RANBP17: variants seen among roughly 807,000 people sequenced by gnomAD.
The protein encoded by RANBP17 is ran-binding protein 17.
Under a neutral mutation model 141.2 loss-of-function variants are expected in RANBP17, and 158 were observed. The observed-to-expected ratio is 1.12, with a 90% CI of 0.98 to 1.28. The LOEUF is 1.28. RANBP17 is among the 50% of genes most tolerant of loss of function. The probability of loss-of-function intolerance (pLI) is 0.00; values close to 1 mark genes in which losing one functional copy is unlikely to be tolerated. For missense variants in RANBP17, 1,438 were observed against 1,290.7 expected, an observed-to-expected ratio of 1.11 and a Z score of -1.75; for synonymous variants, 430 against 450.0, an observed-to-expected ratio of 0.96 and a Z score of 0.56.
chr5:170,942,399 A>T (rs775999143), intron 12 of RANBP17, among the ~76,000 whole-genome samples: 33 of 152,196 alleles, frequency 2.2e-4, no homozygotes, highest in Non-Finnish European at 3.7e-4. Context: ...ATAGATCATA[A>T]TGTAATTATA....
intron 21 of RANBP17, among the ~76,000 whole-genome samples, chr5:171,220,417 A>G (rs1763481761): frequency 7.3e-6 from 1 of 136,580 alleles, no homozygotes; most frequent in Non-Finnish European, 1.5e-5. Context: ...CTATTTGGCC[A>G]TCTTGGTCCC....
intron 14 of RANBP17, among the ~76,000 whole-genome samples, chr5:171,036,035 G>C (rs1781863015): frequency 6.6e-6 from 1 of 152,016 alleles, no homozygotes; most frequent in Non-Finnish European, 1.5e-5. Flanking sequence ...TGGGACTGTA[G>C]GTGTGTTCTT....
intron 22 of RANBP17, among the ~76,000 whole-genome samples, chr5:171,229,836 C>T (rs527604611): frequency 2.0e-5 from 3 of 149,626 alleles, no homozygotes; most frequent in African/African-American, 4.9e-5. Context: ...GAGGCCAGGG[C>T]GAGTGGGTCA....
intron 14 of RANBP17, among the ~76,000 whole-genome samples, chr5:171,088,344 G>T (rs1785867714): frequency 6.6e-6 from 1 of 152,102 alleles, no homozygotes; most frequent in African/African-American, 2.4e-5. Flanking sequence ...TGTTGGTTTG[G>T]TGGGCTTCCC....
intron 14 of RANBP17, among the ~76,000 whole-genome samples, chr5:171,146,159 CAAAT>C (rs772737071): frequency 1.1e-4 from 17 of 152,086 alleles, no homozygotes; most frequent in Non-Finnish European, 2.1e-4. Flanking sequence ...TCTAAGGTAA[CAAAT>C]AAGGATAAAG....
At chr5:171,102,372 G>A (rs762904392) in intron 14 of RANBP17, among the ~76,000 whole-genome samples, 19 of 151,154 alleles carry the variant, frequency 1.3e-4, no homozygotes, top group East Asian at 7.8e-4. Context: ...CCTTTCTTCC[G>A]CTTGATTGAT....
At chr5:170,975,544 A>G (rs1385713996) in intron 14 of RANBP17, among the ~76,000 whole-genome samples, 1 of 152,180 alleles carries the variant, frequency 6.6e-6, no homozygotes, top group Admixed American at 6.5e-5. Context: ...AAAAGAAAGA[A>G]ATGTATTCAG....
rs144623929 is a variant in RANBP17 at position 171,221,080 on chromosome 5, A to C, written c.2340-678A>C. On this transcript the variant is annotated intron_variant, in intron 21 of 27. Coordinates refer to ENST00000523189, the MANE Select transcript of RANBP17 (RefSeq NM_022897.5). ...AATGCCACTTCTTCTTAAAAGCCAA[A>C]GCAATTGTTTAAAAATCAAATATGT... Among the ~76,000 whole-genome samples, 822 of 152,306 alleles carry C rather than the reference A, an allele frequency of 5.4e-3. 4 individuals carry two copies. The highest frequency in any genetic ancestry group is 8.3e-3 in the Non-Finnish European group (564 of 68,034).
chr5:170,981,245 G>T (rs1453420836), intron 14 of RANBP17, among the ~76,000 whole-genome samples: 2 of 85,144 alleles, frequency 2.3e-5, no homozygotes, highest in Non-Finnish European at 2.7e-5. Flanking sequence ...TCTCAGATGA[G>T]ACTATGGACT....
At chr5:171,130,431 CTTT>C (rs72051535) in intron 14 of RANBP17, among the ~76,000 whole-genome samples, 98 of 90,036 alleles carry the variant, frequency 1.1e-3, no homozygotes, top group African/African-American at 2.6e-3. Context: ...TTTAAAAAGA[CTTT>C]TTTTTTTTTT....
chr5:171,288,650 C>T (rs892265523), intron 25 of RANBP17, among the ~76,000 whole-genome samples: 18 of 152,196 alleles, frequency 1.2e-4, no homozygotes, highest in African/African-American at 4.3e-4. Context: ...TATCTACTTC[C>T]CATGGTTAGT....
At chr5:171,196,855 A>G (rs1430302029) in intron 18 of RANBP17, among the ~76,000 whole-genome samples, 5 of 151,942 alleles carry the variant, frequency 3.3e-5, no homozygotes, top group South Asian at 2.1e-4. Flanking sequence ...AGATCTCACT[A>G]TGTTGCCCAG....
intron 14 of RANBP17, among the ~76,000 whole-genome samples, chr5:171,108,321 C>G (rs1020683372): frequency 2.2e-4 from 34 of 151,958 alleles, no homozygotes; most frequent in African/African-American, 8.2e-4. Context: ...TTACATATGT[C>G]AAATTTTACT....
intron 14 of RANBP17, among the ~76,000 whole-genome samples, chr5:171,033,639 A>AT (rs1182563242): frequency 6.6e-6 from 1 of 151,894 alleles, no homozygotes; most frequent in African/African-American, 2.4e-5. Context: ...ATTTAGTGTT[A>AT]TTTTTTAGAG....
chr5:171,124,112 G>T (rs1439110310), intron 14 of RANBP17, among the ~76,000 whole-genome samples: 1 of 151,830 alleles, frequency 6.6e-6, no homozygotes, highest in Non-Finnish European at 1.5e-5. Context: ...ACAATAACAA[G>T]AAATCAGGAA....
At chr5:170,999,725 A>AT (rs1395717829) in intron 14 of RANBP17, among the ~76,000 whole-genome samples, 1 of 152,034 alleles carries the variant, frequency 6.6e-6, no homozygotes, top group Non-Finnish European at 1.5e-5. Context: ...TTTGTTCCAT[A>AT]TTTTTTATTG....
At chr5:171,216,519 T>C (rs1319572999) in intron 21 of RANBP17, among the ~76,000 whole-genome samples, 1 of 152,222 alleles carries the variant, frequency 6.6e-6, no homozygotes, top group Non-Finnish European at 1.5e-5. Flanking sequence ...ATTTTCATGA[T>C]ACTGATTTCT....
intron 24 of RANBP17, among the ~76,000 whole-genome samples, chr5:171,262,556 T>C (rs1766402193): frequency 6.6e-6 from 1 of 152,172 alleles, no homozygotes; most frequent in Non-Finnish European, 1.5e-5. Flanking sequence ...ATTTATGGAG[T>C]ACCATGTGAT....
At chr5:170,897,203 G>T (rs1436715646) in intron 5 of RANBP17, 2 of 703,644 alleles carry the variant, frequency 2.8e-6, no homozygotes, top group Admixed American at 3.6e-5. Context: ...TTGGGCTGTG[G>T]ATCACAAAGT....
Sources: allele counts gnomAD v4.1 joint callset (sites outside exome capture counted in the v4.1 genomes callset), GRCh38; gene constraint gnomAD v4.1.1; transcripts MANE v1.5; gene names NCBI Gene and HGNC (gene_info 2026-07-23, HGNC 2026-07-21).